The following CDH8 variants were observed in gnomAD, a reference collection of about 807,000 sequenced individuals.
CDH8 encodes cadherin 8.
In CDH8, 17 loss-of-function variants were observed where a neutral mutation model predicts 68.1. The observed-to-expected ratio is 0.25, with a 90% CI of 0.17 to 0.37. The LOEUF (loss-of-function observed/expected upper bound fraction) is 0.37. CDH8 is among the 10% of genes least tolerant of loss of function. The pLI is 1.00. For missense variants in CDH8, 763 were observed against 999.3 expected, an observed-to-expected ratio of 0.76 and a Z score of 3.19; for synonymous variants, 372 against 365.1, an observed-to-expected ratio of 1.02 and a Z score of -0.21.
intron 10 of CDH8, among the ~76,000 whole-genome samples, chr16:61,664,699 G>T (rs192497525): frequency 6.0e-5 from 9 of 149,836 alleles, no homozygotes; most frequent in Non-Finnish European, 1.2e-4. Context: ...ATAGAAAGAG[G>T]CTTTAGAGAG....
chr16:61,761,898 G>C (rs1474296900), intron 8 of CDH8, among the ~76,000 whole-genome samples: 1 of 152,162 alleles, frequency 6.6e-6, no homozygotes, highest in Non-Finnish European at 1.5e-5. Flanking sequence ...TACTCGGGAG[G>C]CTGAGGTGGG....
chr16:61,850,510 A>G (rs969957405), intron 4 of CDH8, among the ~76,000 whole-genome samples: 2 of 152,126 alleles, frequency 1.3e-5, no homozygotes, highest in Non-Finnish European at 2.9e-5. Context: ...ATTCAAAGTC[A>G]GACTGAAATT....
intron 10 of CDH8, among the ~76,000 whole-genome samples, chr16:61,668,507 C>A (rs1384147687): frequency 6.6e-6 from 1 of 151,998 alleles, no homozygotes; most frequent in Non-Finnish European, 1.5e-5. Flanking sequence ...CATTAACTAA[C>A]CCACTAAAGT....
intron 7 of CDH8, among the ~76,000 whole-genome samples, chr16:61,801,620 G>A (rs906926822): frequency 6.6e-5 from 10 of 152,158 alleles, no homozygotes; most frequent in Admixed American, 3.3e-4. Context: ...CACCATGCGC[G>A]AGCCAAAGCA....
chr16:61,770,614 G>T (rs1960752445), intron 8 of CDH8, among the ~76,000 whole-genome samples: 2 of 151,926 alleles, frequency 1.3e-5, no homozygotes, highest in South Asian at 4.1e-4. Context: ...ATGGCTTCAT[G>T]CTGTTCCCTT....
intron 3 of CDH8, among the ~76,000 whole-genome samples, chr16:61,889,349 G>T (rs974551986): frequency 6.6e-6 from 1 of 152,074 alleles, no homozygotes; most frequent in African/African-American, 2.4e-5. Context: ...AAACTTCAAA[G>T]TCCAGTGAAT....
rs147614133 is a variant in CDH8, at chr16:62,014,522, C to T, written c.252+6630G>A. On this transcript the variant is annotated intron_variant, in intron 2 of 11. Transcript: ENST00000577390. ...ATTAAGCTGTGACTGCGTAGTCCAA[C>T]GCTCTTAACATGCAAACAGCCAGCA... is the stretch of plus-strand genomic sequence containing the variant. Among the ~76,000 whole-genome samples, 558 of 152,278 alleles carry T rather than the reference C, an allele frequency of 3.7e-3. 11 individuals are homozygous for T. Among genetic ancestry groups the T allele is most frequent in the Admixed American group, 0.027 (416 of 15,284 alleles).
chr16:61,681,719 G>A (rs1184786509), intron 10 of CDH8, among the ~76,000 whole-genome samples: 2 of 151,836 alleles, frequency 1.3e-5, no homozygotes, highest in Non-Finnish European at 2.9e-5. Flanking sequence ...AGAGTAAAGA[G>A]GATATTGTCA....
At chr16:61,974,914 T>C (rs1284195887) in intron 2 of CDH8, among the ~76,000 whole-genome samples, 6 of 152,088 alleles carry the variant, frequency 3.9e-5, no homozygotes, top group Non-Finnish European at 5.9e-5. Flanking sequence ...TATGGAAGGT[T>C]TGGGGAGAAA....
At position 61,648,232 on chromosome 16, in the gene CDH8, A is replaced by C. The variant is rs1963246501; in HGVS notation, c.*5376T>G. The C allele has an allele frequency of 3.0e-5, 5 of 163,984 alleles. No individual in the cohort carries two copies. In the South Asian group the frequency reaches 8.5e-4, roughly 28 times the overall value. 10.2% of individuals were successfully genotyped at this position (163,984 alleles called of 1,614,324 possible). ...TTTCTGAACTTCATTTTTCCTATCC[A>C]TAAAACACTACAATTTGGCAAACCT... On this transcript the variant is annotated 3_prime_UTR_variant, in exon 12 of 12. Coordinates refer to ENST00000577390, the MANE Select transcript of CDH8 (RefSeq NM_001796.5).
chr16:61,676,601 G>A (rs1003805124), intron 10 of CDH8, among the ~76,000 whole-genome samples: 1 of 151,898 alleles, frequency 6.6e-6, no homozygotes, highest in Non-Finnish European at 1.5e-5. Context: ...TGAATAGAAG[G>A]GGATTTCCTC....
intron 3 of CDH8, among the ~76,000 whole-genome samples, chr16:61,887,457 C>A (rs189875795): frequency 9.8e-5 from 15 of 152,306 alleles, no homozygotes; most frequent in African/African-American, 3.6e-4. Flanking sequence ...AAGATGCTGG[C>A]AGACTTAACT....
At chr16:61,849,810 C>T (rs1567499115) in intron 4 of CDH8, among the ~76,000 whole-genome samples, 1 of 152,106 alleles carries the variant, frequency 6.6e-6, no homozygotes, top group Admixed American at 6.6e-5. Context: ...ACCAACAATG[C>T]AAGAGCTTTT....
At chr16:61,673,799 G>A (rs1963842300) in intron 10 of CDH8, among the ~76,000 whole-genome samples, 1 of 152,088 alleles carries the variant, frequency 6.6e-6, no homozygotes, top group Non-Finnish European at 1.5e-5. Flanking sequence ...TTGCTGAGCT[G>A]AAGATACAGA....
At chr16:61,882,085 C>T (rs1213638089) in intron 3 of CDH8, among the ~76,000 whole-genome samples, 1 of 152,168 alleles carries the variant, frequency 6.6e-6, no homozygotes. Flanking sequence ...TCTAATATGG[C>T]AGAATGTCTC....
At chr16:61,799,325 T>TA (rs1302766469) in intron 7 of CDH8, among the ~76,000 whole-genome samples, 1 of 152,176 alleles carries the variant, frequency 6.6e-6, no homozygotes, top group Non-Finnish European at 1.5e-5. Flanking sequence ...AAAAGCATCT[T>TA]ACAATGTAAC....
chr16:61,940,202 T>C (rs1249716810), intron 2 of CDH8: 1 of 152,144 alleles, frequency 6.6e-6, no homozygotes, highest in Non-Finnish European at 1.5e-5. Context: ...TTGACATCTT[T>C]CTTACGTCGA....
chr16:61,668,668 G>GAAAA (rs10650925), intron 10 of CDH8, among the ~76,000 whole-genome samples: 6 of 139,676 alleles, frequency 4.3e-5, no homozygotes, highest in African/African-American at 5.2e-5. Context: ...AACCACTTAG[G>GAAAA]AAAAAAAAAA....
intron 1 of CDH8, among the ~76,000 whole-genome samples, chr16:62,033,393 C>T (rs1234158997): frequency 6.6e-6 from 1 of 152,168 alleles, no homozygotes; most frequent in Non-Finnish European, 1.5e-5. Context: ...GTGAAGACTG[C>T]TATCAAATTT....
Sources: allele counts gnomAD v4.1 joint callset (sites outside exome capture counted in the v4.1 genomes callset), GRCh38; gene constraint gnomAD v4.1.1; transcripts MANE v1.5; gene names NCBI Gene and HGNC (gene_info 2026-07-23, HGNC 2026-07-21).